Variants in FBXO6 observed in about 807,000 individuals in gnomAD.
FBXO6 encodes the protein F-box only protein 6.
In FBXO6, 13 loss-of-function variants were observed where a neutral mutation model predicts 25.0. That is an observed-to-expected ratio of 0.52 (90% confidence interval 0.34 to 0.83). The LOEUF is 0.83. Among genes scored for constraint, FBXO6 ranks in the 40% least tolerant of loss-of-function variants. FBXO6 has a pLI of 0.02. For synonymous variants in FBXO6, 138 were observed against 155.3 expected (o/e 0.89, Z 0.83); for missense variants, 370 against 380.2 (o/e 0.97, Z 0.22).
At chr1:11,667,655 A>G (rs1470079901) in intron 1 of FBXO6, among the ~76,000 whole-genome samples, 1 of 151,940 alleles carries the variant, frequency 6.6e-6, no homozygotes, top group Non-Finnish European at 1.5e-5. Context: ...AAGACAGCTC[A>G]GCCGGGTGCC....
rs774760092 is a variant in FBXO6 at position 11,672,042 on chromosome 1, C to T, written c.509+19C>T. ...AGGACTGGTGAGTAGGGTCCATGGCCTGTGTCCCCACACTCTACATGCTCC... is the reference window on the plus strand; with the variant it reads ...AGGACTGGTGAGTAGGGTCCATGGCTTGTGTCCCCACACTCTACATGCTCC... On this transcript the variant is annotated intron_variant, in intron 4 of 5. Transcript: ENST00000376753. 6.9e-6 allele frequency: 11 copies of T among 1,599,636 alleles called. No homozygotes were observed. Among genetic ancestry groups the T allele is most frequent in the South Asian group, 6.6e-5 (6 of 90,720 alleles).
chr1:11,670,047 C>T (rs1640573295), intron 2 of FBXO6, among the ~76,000 whole-genome samples: 1 of 150,108 alleles, frequency 6.7e-6, no homozygotes, highest in South Asian at 2.1e-4. Flanking sequence ...CCCATCTCTA[C>T]TAAAAATGTA....
chr1:11,670,638 AGGGG>A (rs35421888), intron 2 of FBXO6, among the ~76,000 whole-genome samples: 3 of 134,894 alleles, frequency 2.2e-5, no homozygotes, highest in Non-Finnish European at 3.3e-5. Flanking sequence ...TAAAAAAAAA[AGGGG>A]GGGGGGGTGT....
At position 11,670,737 on chromosome 1, in the gene FBXO6, G is replaced by A. The variant is rs140934965; in HGVS notation, c.287-529G>A. Among the ~76,000 whole-genome samples the A allele has an allele frequency of 2.6e-3, 398 of 152,048 alleles. 2 individuals carry two copies. Among genetic ancestry groups the A allele is most frequent in the African/African-American group, 9.4e-3 (388 of 41,448 alleles). ...CTCCCAAAGTGCTGGGATTACAGGC[G>A]CAAGCCACCGTGCCCGGCTTCACAT... On this transcript the variant is annotated intron_variant, in intron 2 of 5. Coordinates refer to ENST00000376753, the MANE Select transcript of FBXO6 (RefSeq NM_018438.6).
At chr1:11,670,369 A>G (rs1316298633) in intron 2 of FBXO6, among the ~76,000 whole-genome samples, 1 of 152,004 alleles carries the variant, frequency 6.6e-6, no homozygotes. Flanking sequence ...GAATGTTACC[A>G]CAGCGCCCAG....
chr1:11,664,392 G>A (rs953869388), intron 1 of FBXO6, 137 bp downstream of exon 1: 1 of 151,672 alleles, frequency 6.6e-6, no homozygotes, highest in Admixed American at 6.6e-5. Flanking sequence ...CCGTAGGCTC[G>A]GGCCGACCTG....
intron 1 of FBXO6, among the ~76,000 whole-genome samples, chr1:11,666,437 A>G (rs1173919578): frequency 3.4e-5 from 5 of 146,724 alleles, no homozygotes; most frequent in African/African-American, 1.3e-4. Context: ...GCTGGAGTGC[A>G]GTGGTGCAAT....
intron 2 of FBXO6, among the ~76,000 whole-genome samples, chr1:11,669,883 T>C (rs1055732058): frequency 2.8e-5 from 4 of 144,158 alleles, no homozygotes; most frequent in African/African-American, 7.6e-5. Flanking sequence ...GTGATCTGCC[T>C]GCCTCGGCCT....
Position 11,673,623 on chromosome 1 carries a change from C to T in FBXO6, c.654C>T (p.Tyr218=), listed in dbSNP as rs771869994. ...TCCCTTCCTCCCAACAGGTCTCCTACACCTTCTCAGACTACCCCCGGGGTG... is the reference window on the plus strand; with the variant it reads ...TCCCTTCCTCCCAACAGGTCTCCTATACCTTCTCAGACTACCCCCGGGGTG... ...WNNATWTEVS[Y]TFSDYPRGVR... Residue 218 remains tyrosine (Y), a synonymous_variant, in exon 6 of 6, where the codon TAC becomes TAT. Transcript: ENST00000376753. The surrounding 1 kb of genome is among the most constrained non-coding windows in gnomAD (Gnocchi z 4.3). 1.2e-6 allele frequency: 2 copies of T among 1,613,924 alleles called. No homozygotes were observed. The highest frequency in any genetic ancestry group is 2.2e-5 in the South Asian group (2 of 91,078).
Position 11,668,727 on chromosome 1 carries a change from G to C in FBXO6, c.69G>C (p.Glu23Asp). 1 of 1,614,108 alleles carries C rather than the reference G, an allele frequency of 6.2e-7. No homozygotes were observed. The highest frequency in any genetic ancestry group is 8.5e-7 in the Non-Finnish European group (1 of 1,180,046). Residue 23 changes from glutamate to aspartate, a missense_variant, in exon 2 of 6, where the codon GAG (glutamate) becomes GAC (aspartate). Physicochemically the swap from Glu to Asp is conservative, Grantham distance 45. Transcript: ENST00000376753. ...AGCTGCCCGAGAACATCCTGCTGGAGCTGTTCACGCACGTGCCCGCCCGCC... is the reference window on the plus strand; with the variant it reads ...AGCTGCCCGAGAACATCCTGCTGGACCTGTTCACGCACGTGCCCGCCCGCC... ...INELPENILL[E>D]LFTHVPARQL...
chr1:11,673,477 G>A lies in FBXO6; in HGVS notation c.645+65G>A. ...CAGGGCCAGGATGGCAGGAAGCAAA[G>A]GGCAGCCTCAGGGCCCAGGGTGCCC... On this transcript the variant is annotated intron_variant, in intron 5 of 5. Transcript: ENST00000376753. This position sits in a 1 kb window ranked among gnomAD's most constrained non-coding sequence, Gnocchi z 4.3. The A allele has an allele frequency of 6.3e-7, 1 of 1,595,608 alleles. No individual in the cohort carries two copies. The highest frequency in any genetic ancestry group is 1.7e-5 in the Admixed American group (1 of 59,130).
At chr1:11,667,699 G>C (rs77790596) in intron 1 of FBXO6, among the ~76,000 whole-genome samples, 1 of 152,128 alleles carries the variant, frequency 6.6e-6, no homozygotes, top group Non-Finnish European at 1.5e-5. Flanking sequence ...TTTATCACAT[G>C]TGACTTCCAG....
Position 11,673,823 on chromosome 1 carries a change from C to T in FBXO6, c.854C>T (p.Pro285Leu), listed in dbSNP as rs769339495. The T allele has an allele frequency of 6.2e-7, 1 of 1,614,112 alleles. No homozygotes were observed. The highest frequency in any genetic ancestry group is 8.5e-7 in the Non-Finnish European group (1 of 1,180,030). The stretch of plus-strand genomic sequence containing the variant: ...GGACAGGAGGAGGCTGCCCAATCGC[C>T]CTACCGAGCTGTTGTCCAGATTTTC... ...KHGQEEAAQS[P>L]YRAVVQIF Residue 285 changes from proline (P) to leucine (L), a missense_variant, in exon 6 of 6, where the codon CCC (proline) becomes CTC (leucine). Pro to Leu is a moderately conservative substitution (Grantham distance 98). Transcript: ENST00000376753. This position sits in a 1 kb window ranked among gnomAD's most constrained non-coding sequence, Gnocchi z 4.3.
At chr1:11,671,661 A>T (rs1235112838) in intron 3 of FBXO6, among the ~76,000 whole-genome samples, 2 of 152,232 alleles carry the variant, frequency 1.3e-5, no homozygotes, top group African/African-American at 2.4e-5. Flanking sequence ...TCCGTAAGCT[A>T]GGAACTTGAG....
At chr1:11,669,231 C>A (rs898776061) in intron 2 of FBXO6, among the ~76,000 whole-genome samples, 1 of 152,066 alleles carries the variant, frequency 6.6e-6, no homozygotes, top group African/African-American at 2.4e-5. Flanking sequence ...TTTGGGAGGC[C>A]GAGATGGGCG....
At position 11,673,637 on chromosome 1, in the gene FBXO6, A is replaced by AC. The variant is rs775333486; in HGVS notation, c.673dup (p.Arg225ProfsTer112). The AC allele has an allele frequency of 2.5e-6, 4 of 1,611,684 alleles. No individual in the cohort carries two copies. On this transcript the variant is annotated frameshift_variant, in exon 6 of 6. Coordinates refer to ENST00000376753, the MANE Select transcript of FBXO6 (RefSeq NM_018438.6). LOFTEE classifies it low-confidence loss of function (END_TRUNC). This position sits in a 1 kb window ranked among gnomAD's most constrained non-coding sequence, Gnocchi z 4.3. The stretch of plus-strand genomic sequence containing the variant: ...CAGGTCTCCTACACCTTCTCAGACT[A>AC]CCCCCGGGGTGTCCGCTACATCCTC...
intron 2 of FBXO6, among the ~76,000 whole-genome samples, chr1:11,670,478 C>G (rs1324590328): frequency 2.0e-5 from 3 of 152,094 alleles, no homozygotes; most frequent in Non-Finnish European, 4.4e-5. Context: ...CCGACAAACC[C>G]ACAAACCCAT....
At chr1:11,669,979 G>A (rs1197949521) in intron 2 of FBXO6, among the ~76,000 whole-genome samples, 1 of 145,234 alleles carries the variant, frequency 6.9e-6, no homozygotes, top group African/African-American at 2.5e-5. Flanking sequence ...TTGGGAGGCT[G>A]AGGCGGGCGG....
rs779975029 is a variant in FBXO6 at position 11,673,704 on chromosome 1, G to A, written c.735G>A (p.Trp245Ter). 1.2e-6 allele frequency: 2 copies of A among 1,614,072 alleles called. No individual in the cohort carries two copies. Among genetic ancestry groups the A allele is most frequent in the Admixed American group, 1.7e-5 (1 of 60,018 alleles). Residue 245 changes from tryptophan (W) to a stop codon, truncating the protein, a stop_gained, in exon 6 of 6, where the codon TGG (tryptophan) becomes TGA (stop). Coordinates refer to ENST00000376753, the MANE Select transcript of FBXO6 (RefSeq NM_018438.6). LOFTEE classifies it low-confidence loss of function (END_TRUNC). The surrounding 1 kb of genome is among the most constrained non-coding windows in gnomAD (Gnocchi z 4.3). Reference sequence around the variant, plus strand: ...GGGACACCCAGTACTGGGCAGGCTGGTATGGGCCCCGAGTCACCAACAGCA... The same window carrying A: ...GGGACACCCAGTACTGGGCAGGCTGATATGGGCCCCGAGTCACCAACAGCA... Reference protein sequence around the residue: ...GGRDTQYWAGWYGPRVTNSSI... With the variant: ...GGRDTQYWAG
Sources: allele counts gnomAD v4.1 joint callset (sites outside exome capture counted in the v4.1 genomes callset), GRCh38; gene constraint gnomAD v4.1.1; non-coding constraint Gnocchi (gnomAD v3.1); transcripts MANE v1.5; gene names NCBI Gene and HGNC (gene_info 2026-07-23, HGNC 2026-07-21).